NPAS3: variants seen among roughly 807,000 people sequenced by gnomAD.
NPAS3 encodes the protein neuronal PAS domain protein 3.
NPAS3 carries 14 observed loss-of-function variants against 73.1 expected under a neutral mutation model. The observed-to-expected ratio is 0.19, with a 90% confidence interval of 0.13 to 0.30. NPAS3 has a LOEUF of 0.30. NPAS3 is among the 10% of genes least tolerant of loss of function. NPAS3 has a pLI of 1.00. For missense variants in NPAS3, 1,096 were observed against 1,250.0 expected, an observed-to-expected ratio of 0.88 and a Z score of 1.86; for synonymous variants, 620 against 541.5, an observed-to-expected ratio of 1.14 and a Z score of -2.01.
rs181475160 is a variant in NPAS3 at position 33,272,685 on chromosome 14, G to A, written c.385+57259G>A. On this transcript the variant is annotated intron_variant, in intron 3 of 11. Coordinates refer to ENST00000356141, the Ensembl canonical transcript of NPAS3. The stretch of plus-strand genomic sequence containing the variant: ...TCCTGCCTCAGCCTCCCAAAGTGCT[G>A]GGATTACAGATGTGAGCCACCATTC... 1.1e-3 allele frequency among the ~76,000 whole-genome samples: 169 copies of A among 152,190 alleles called. No individual in the cohort carries two copies. In the East Asian group the frequency reaches 0.016, roughly 15 times the overall value.
chr14:33,784,442 AG>A (rs978271218), intron 9 of NPAS3, among the ~76,000 whole-genome samples: 17 of 152,346 alleles, frequency 1.1e-4, no homozygotes, highest in African/African-American at 3.8e-4. Flanking sequence ...CAGAGGTGAA[AG>A]CAACTAAGGG....
At chr14:33,281,605 G>A (rs1191557721) in intron 3 of NPAS3, among the ~76,000 whole-genome samples, 1 of 152,100 alleles carries the variant, frequency 6.6e-6, no homozygotes, top group Non-Finnish European at 1.5e-5. Context: ...GCACTCCAGC[G>A]GTGCTGATAG....
chr14:33,498,929 AGAGAGAGTGTGTGT>A (rs1361971261), intron 4 of NPAS3, among the ~76,000 whole-genome samples: 2 of 100,212 alleles, frequency 2.0e-5, no homozygotes, highest in Admixed American at 9.8e-5. Context: ...AGAGAGACAG[AGAGAGAGTGTGTGT>A]GTGTGTGTGT....
At chr14:33,645,297 G>C (rs961122380) in intron 5 of NPAS3, among the ~76,000 whole-genome samples, 1 of 152,214 alleles carries the variant, frequency 6.6e-6, no homozygotes, top group East Asian at 1.9e-4. Flanking sequence ...ACTACTAAAT[G>C]ATATCCTCTG....
intron 2 of NPAS3, among the ~76,000 whole-genome samples, chr14:33,081,102 A>G (rs79402316): frequency 6.9e-4 from 105 of 152,318 alleles, no homozygotes; most frequent in African/African-American, 2.5e-3. Flanking sequence ...GCCTTGCTGT[A>G]TAGTATTTCC....
intron 2 of NPAS3, among the ~76,000 whole-genome samples, chr14:33,085,831 A>G (rs149786754): frequency 1.3e-5 from 2 of 152,328 alleles, no homozygotes; most frequent in African/African-American, 4.8e-5. Context: ...TTACGATTGA[A>G]AGTATTATAG....
At chr14:33,771,955 T>G (rs1459909339) in intron 7 of NPAS3, among the ~76,000 whole-genome samples, 1 of 152,170 alleles carries the variant, frequency 6.6e-6, no homozygotes, top group Non-Finnish European at 1.5e-5. Context: ...ACAAGCTAGG[T>G]GACTTTGGAC....
chr14:33,599,640 G>A (rs1958551), intron 5 of NPAS3, among the ~76,000 whole-genome samples: 2,937 of 152,164 alleles, frequency 0.019, 95 homozygotes, highest in African/African-American at 0.065. Context: ...AAACAAAAAC[G>A]GCAGATTACT....
intron 2 of NPAS3, among the ~76,000 whole-genome samples, chr14:33,077,557 C>T (rs763917754): frequency 2.0e-5 from 3 of 152,002 alleles, no homozygotes; most frequent in Non-Finnish European, 4.4e-5. Flanking sequence ...TCCATAAATA[C>T]TCCAAATTGC....
chr14:33,351,272 A>C (rs2045035568), intron 3 of NPAS3, among the ~76,000 whole-genome samples: 1 of 152,228 alleles, frequency 6.6e-6, no homozygotes, highest in Non-Finnish European at 1.5e-5. Flanking sequence ...GCCGTGCAGC[A>C]CCACACCTGC....
At chr14:33,624,878 T>G (rs2058178854) in intron 5 of NPAS3, among the ~76,000 whole-genome samples, 1 of 152,196 alleles carries the variant, frequency 6.6e-6, no homozygotes, top group Non-Finnish European at 1.5e-5. Context: ...GCCTACTCCT[T>G]ACATGTGTGT....
At chr14:33,054,417 A>G (rs2040812071) in intron 1 of NPAS3, among the ~76,000 whole-genome samples, 1 of 152,214 alleles carries the variant, frequency 6.6e-6, no homozygotes, top group African/African-American at 2.4e-5. Context: ...CTTTATATAT[A>G]AACTATGTAT....
intron 2 of NPAS3, among the ~76,000 whole-genome samples, chr14:33,158,605 G>T (rs2044734151): frequency 6.6e-6 from 1 of 152,174 alleles, no homozygotes; most frequent in Non-Finnish European, 1.5e-5. Flanking sequence ...ACTGCAGAGA[G>T]AGGGTGTTCA....
At chr14:33,353,735 C>T (rs544647536) in intron 3 of NPAS3, among the ~76,000 whole-genome samples, 3 of 152,234 alleles carry the variant, frequency 2.0e-5, no homozygotes, top group South Asian at 2.1e-4. Flanking sequence ...TTCCTATTTA[C>T]GCAGAGGAGA....
At chr14:33,675,661 C>T (rs1422860990) in intron 5 of NPAS3, among the ~76,000 whole-genome samples, 4 of 152,132 alleles carry the variant, frequency 2.6e-5, no homozygotes, top group Admixed American at 6.5e-5. Context: ...TTAATGAAAA[C>T]ATTATGCCTT....
At chr14:33,768,294 C>G (rs2062530534) in intron 7 of NPAS3, among the ~76,000 whole-genome samples, 1 of 152,122 alleles carries the variant, frequency 6.6e-6, no homozygotes, top group East Asian at 1.9e-4. Context: ...GGATCGAGCT[C>G]TTATGTAACA....
chr14:33,800,723 G>A lies in NPAS3; in HGVS notation c.2416G>A (p.Val806Met). 1 of 1,552,214 alleles carries A rather than the reference G, an allele frequency of 6.4e-7. No individual in the cohort carries two copies. Among genetic ancestry groups the A allele is most frequent in the Non-Finnish European group, 8.7e-7 (1 of 1,150,520 alleles). ...GGCGGGCAACGTCGTGCTCCCGCTG[G>A]TGCACAGGGTGACCGGGACCCTGGC... is the stretch of plus-strand genomic sequence containing the variant. The change falls in exon 12 of 12, where the codon GTG becomes ATG. Residue 806 changes from valine to methionine, a missense_variant. Val to Met is a conservative substitution (Grantham distance 21). Transcript: ENST00000356141. This position sits in a 1 kb window ranked among gnomAD's most constrained non-coding sequence, Gnocchi z 6.5.
At chr14:33,684,428 C>T (rs572636838) in intron 6 of NPAS3, among the ~76,000 whole-genome samples, 1 of 152,208 alleles carries the variant, frequency 6.6e-6, no homozygotes, top group Non-Finnish European at 1.5e-5. Context: ...TCTCCTGCCT[C>T]AGCCTTCCAA....
chr14:33,031,312 A>G (rs1039388247), intron 1 of NPAS3, among the ~76,000 whole-genome samples: 3 of 152,218 alleles, frequency 2.0e-5, no homozygotes, highest in African/African-American at 4.8e-5. Context: ...TATGAAATGT[A>G]TAGCAAAAGG....
Sources: allele counts gnomAD v4.1 joint callset (sites outside exome capture counted in the v4.1 genomes callset), GRCh38; gene constraint gnomAD v4.1.1; non-coding constraint Gnocchi (gnomAD v3.1); transcripts MANE v1.5; gene names NCBI Gene and HGNC (gene_info 2026-07-23, HGNC 2026-07-21).